The following VPS41 variants were observed in gnomAD, a reference collection of about 807,000 sequenced individuals.
VPS41 encodes the protein vacuolar protein sorting-associated protein 41 homolog.
A neutral mutation model predicts 130.9 loss-of-function variants in VPS41; 85 were observed. The observed-to-expected ratio is 0.65, with a 90% confidence interval of 0.55 to 0.78. The LOEUF is 0.78. Ranked by LOEUF, VPS41 falls within the 30% of genes least tolerant of loss-of-function variation. The probability of loss-of-function intolerance (pLI) is 0.00; values close to 1 mark genes in which losing one functional copy is unlikely to be tolerated. For missense variants in VPS41, 874 were observed against 1,018.7 expected (o/e 0.86, Z 1.93); for synonymous variants, 335 against 332.9 (o/e 1.01, Z -0.07).
intron 7 of VPS41, among the ~76,000 whole-genome samples, chr7:38,810,280 G>A (rs969383706): frequency 1.3e-5 from 2 of 152,048 alleles, no homozygotes; most frequent in African/African-American, 4.8e-5. Flanking sequence ...CTAGTCCCTG[G>A]TGGATAAAGA....
chr7:38,853,825 A>G (rs1785919632), intron 4 of VPS41, among the ~76,000 whole-genome samples: 1 of 152,236 alleles, frequency 6.6e-6, no homozygotes. Context: ...AGTTTTAGCT[A>G]TTTAAGGGAT....
chr7:38,866,858 C>G (rs890684093), intron 3 of VPS41, among the ~76,000 whole-genome samples: 6 of 151,862 alleles, frequency 4.0e-5, no homozygotes, highest in Admixed American at 3.9e-4. Context: ...AATGGTGTCA[C>G]GATAAAGAAG....
chr7:38,879,418 G>A (rs1038929560), intron 2 of VPS41, among the ~76,000 whole-genome samples: 2 of 152,028 alleles, frequency 1.3e-5, no homozygotes, highest in African/African-American at 4.8e-5. Context: ...TTAACTCAAA[G>A]TGCACTTCAT....
chr7:38,769,927 CTTAA>C (rs1784120957), intron 14 of VPS41, among the ~76,000 whole-genome samples: 1 of 152,294 alleles, frequency 6.6e-6, no homozygotes, highest in South Asian at 2.1e-4. Flanking sequence ...GAAGCAAGCT[CTTAA>C]TTACGAACGG....
intron 9 of VPS41, among the ~76,000 whole-genome samples, chr7:38,791,894 G>A (rs147457473): frequency 6.6e-6 from 1 of 152,290 alleles, no homozygotes; most frequent in East Asian, 1.9e-4. Flanking sequence ...AAGATGAAGT[G>A]CAGAGATTTG....
At chr7:38,878,115 G>A (rs1431701618) in intron 2 of VPS41, among the ~76,000 whole-genome samples, 1 of 152,132 alleles carries the variant, frequency 6.6e-6, no homozygotes, top group African/African-American at 2.4e-5. Flanking sequence ...CCAGCCTTAA[G>A]CAGTGCAGGA....
At chr7:38,815,110 G>T (rs745949648) in intron 7 of VPS41, among the ~76,000 whole-genome samples, 28 of 152,120 alleles carry the variant, frequency 1.8e-4, no homozygotes, top group Non-Finnish European at 3.2e-4. Flanking sequence ...ACCATTCCCA[G>T]TGAGAATTAA....
intron 4 of VPS41, among the ~76,000 whole-genome samples, chr7:38,851,467 G>A (rs570472019): frequency 6.6e-6 from 1 of 152,298 alleles, no homozygotes; most frequent in African/African-American, 2.4e-5. Flanking sequence ...CAATAGAGCT[G>A]AGATTCATCC....
chr7:38,757,611 T>C (rs1783825328), intron 18 of VPS41, among the ~76,000 whole-genome samples: 1 of 152,176 alleles, frequency 6.6e-6, no homozygotes, highest in African/African-American at 2.4e-5. Flanking sequence ...CAACCTCCTC[T>C]TGTGGAAAAT....
At chr7:38,798,699 C>T (rs1346539044) in intron 7 of VPS41, among the ~76,000 whole-genome samples, 2 of 152,090 alleles carry the variant, frequency 1.3e-5, no homozygotes, top group Non-Finnish European at 2.9e-5. Context: ...ACAGTGAGTG[C>T]TCAATAATCA....
chr7:38,857,053 A>C (rs1489008662), intron 4 of VPS41, among the ~76,000 whole-genome samples: 1 of 152,216 alleles, frequency 6.6e-6, no homozygotes, highest in Non-Finnish European at 1.5e-5. Flanking sequence ...CAATGGTTAG[A>C]TGGACAGAGG....
At chr7:38,792,304 A>AGG (rs1252128944) in intron 9 of VPS41, among the ~76,000 whole-genome samples, 1 of 152,222 alleles carries the variant, frequency 6.6e-6, no homozygotes, top group East Asian at 1.9e-4. Context: ...GTTCTTGCCC[A>AGG]TGAACTCTAA....
At chr7:38,764,619 A>T (rs1393198681) in intron 16 of VPS41, among the ~76,000 whole-genome samples, 1 of 150,878 alleles carries the variant, frequency 6.6e-6, no homozygotes, top group East Asian at 1.9e-4. Flanking sequence ...ATTGGTATTG[A>T]CATGAAAAAA....
chr7:38,777,976 G>C (rs566768497), intron 10 of VPS41, among the ~76,000 whole-genome samples: 1 of 152,258 alleles, frequency 6.6e-6, no homozygotes, highest in East Asian at 1.9e-4. Context: ...AGATTACTTA[G>C]TGTTCCTTGT....
intron 22 of VPS41, 133 bp downstream of exon 22, chr7:38,752,040 ACTT>A: frequency 2.3e-6 from 3 of 1,300,348 alleles, no homozygotes; most frequent in Admixed American, 2.2e-5. Flanking sequence ...CCAAAAACCT[ACTT>A]CTTTGAGAGC....
At chr7:38,815,443 A>T (rs1785027326) in intron 7 of VPS41, among the ~76,000 whole-genome samples, 1 of 152,148 alleles carries the variant, frequency 6.6e-6, no homozygotes, top group Non-Finnish European at 1.5e-5. Flanking sequence ...AAAAAAGAAA[A>T]ATTATTTATT....
intron 1 of VPS41, among the ~76,000 whole-genome samples, chr7:38,900,618 A>C (rs1279386300): frequency 6.6e-6 from 1 of 152,204 alleles, no homozygotes; most frequent in African/African-American, 2.4e-5. Context: ...CTTTCTCCAC[A>C]CCAGAAAGCA....
intron 22 of VPS41, among the ~76,000 whole-genome samples, chr7:38,751,177 T>C (rs1407322900): frequency 1.3e-5 from 2 of 152,230 alleles, no homozygotes; most frequent in African/African-American, 4.8e-5. Flanking sequence ...AGTACTCCAA[T>C]GCATTTAATA....
At chr7:38,750,574 G>T (rs1783649600) in intron 22 of VPS41, among the ~76,000 whole-genome samples, 1 of 152,180 alleles carries the variant, frequency 6.6e-6, no homozygotes, top group Non-Finnish European at 1.5e-5. Flanking sequence ...GGACCAGAGA[G>T]AAAAATTCTA....
Sources: gnomAD v4.1 joint callset for allele counts (sites outside exome capture counted in the v4.1 genomes callset) on GRCh38, gnomAD v4.1.1 for gene constraint, MANE v1.5 for transcripts, NCBI Gene and HGNC (gene_info 2026-07-23, HGNC 2026-07-21) for gene names.